ANXA6: variants seen among roughly 807,000 people sequenced by gnomAD.
ANXA6 encodes the protein annexin A6, also known as 67 kDa calelectrin.
In ANXA6, 71 loss-of-function variants were observed where a neutral mutation model predicts 95.4. That is an observed-to-expected ratio of 0.74 (90% confidence interval 0.61 to 0.91). ANXA6 has a LOEUF of 0.91. Among genes scored for constraint, ANXA6 ranks in the 40% least tolerant of loss-of-function variants. The pLI, the probability that ANXA6 is intolerant of heterozygous loss-of-function variation, is 0.00. For missense variants in ANXA6, 830 were observed against 876.4 expected, an observed-to-expected ratio of 0.95 and a Z score of 0.67; for synonymous variants, 289 against 315.9, an observed-to-expected ratio of 0.91 and a Z score of 0.90.
At chr5:151,106,816 T>A (rs1317271730) in intron 23 of ANXA6, among the ~76,000 whole-genome samples, 2 of 152,144 alleles carry the variant, frequency 1.3e-5, no homozygotes, top group African/African-American at 4.8e-5. Context: ...CCCACAAGTC[T>A]TCCTAAAAAC....
intron 15 of ANXA6, 77 bp from the exon 16 acceptor site, chr5:151,123,088 C>A (rs921478992): frequency 4.0e-6 from 5 of 1,242,714 alleles, no homozygotes; most frequent in South Asian, 1.2e-5. Context: ...CACTGATGGC[C>A]CCTCATCGAT....
chr5:151,148,063 A>C, intron 1 of ANXA6, 137 bp from the exon 2 acceptor site: 7 of 767,424 alleles, frequency 9.1e-6, no homozygotes, highest in Non-Finnish European at 1.5e-5. Context: ...GACCCAGCTC[A>C]AGGCCAATCA....
rs373769818 is a variant in ANXA6 at position 151,105,367 on chromosome 5, C to T, written c.1781-64G>A. 4.0e-5 allele frequency: 58 copies of T among 1,465,122 alleles called. No homozygotes were observed. In the South Asian group the frequency reaches 4.0e-4, roughly 10 times the overall value. The allele number at this position is 1,465,122 out of a possible 1,614,324, so 90.8% of individuals were successfully genotyped here. ...GAGGCTGTGAACCCAGACTCTGGAC[C>T]GGCCTCCCCCATCTCCCCACCTCGT... is the stretch of plus-strand genomic sequence containing the variant. On this transcript the variant is annotated intron_variant, in intron 23 of 25. Coordinates refer to ENST00000354546, the MANE Select transcript of ANXA6 (RefSeq NM_001155.5).
rs1390670754 is a variant in ANXA6, at chr5:151,122,333, AAAGAG to A, written c.1234-78_1234-74del. The A allele has an allele frequency of 5.9e-6, 5 of 846,978 alleles. No homozygotes were observed. In the African/African-American group the frequency reaches 8.8e-5, roughly 15 times the overall value. The allele number at this position is 846,978 out of a possible 1,614,324, so 52.5% of individuals were successfully genotyped here. A position where few individuals can be genotyped will look rare whatever the true frequency, so the allele number is the denominator to read the frequency against. ...ACATGACTCAGGATGGGAGAGATGG[AAAGAG>A]AAAACAGGGGTTCCACATGAGGGAT... On this transcript the variant is annotated intron_variant, in intron 16 of 25. Coordinates refer to ENST00000354546, the MANE Select transcript of ANXA6 (RefSeq NM_001155.5).
chr5:151,136,107 G>A, intron 7 of ANXA6, 149 bp downstream of exon 7: 2 of 666,196 alleles, frequency 3.0e-6, no homozygotes, highest in Non-Finnish European at 5.1e-6. Context: ...AGAGGACTGT[G>A]TGCCAAAGAG....
At position 151,109,798 on chromosome 5, in the gene ANXA6, A is replaced by C. The variant is rs757739987; in HGVS notation, c.1639T>G (p.Phe547Val). Residue 547 changes from phenylalanine to valine, a missense_variant, in exon 22 of 26, where the codon TTC becomes GTC. Phe to Val is a conservative substitution (Grantham distance 50). Transcript: ENST00000354546. ...SGDKTSLETR[F>V]MTILCTRSYP... ...CTCCGGGTACACAGGATCGTCATGA[A>C]ACGTGTCTCCAAGGAAGTTTTGTCT... is the stretch of plus-strand genomic sequence containing the variant. 1.4e-5 allele frequency: 23 copies of C among 1,611,662 alleles called. No homozygotes were observed. In the Admixed American group the frequency reaches 2.3e-4, roughly 16 times the overall value.
At chr5:151,137,997 T>C (rs1765716468) in intron 5 of ANXA6, among the ~76,000 whole-genome samples, 1 of 152,212 alleles carries the variant, frequency 6.6e-6, no homozygotes, top group Non-Finnish European at 1.5e-5. Flanking sequence ...GTAGATGATA[T>C]TAGTTGCTCT....
chr5:151,141,376 G>A (rs1413170949), intron 2 of ANXA6, among the ~76,000 whole-genome samples: 1 of 152,244 alleles, frequency 6.6e-6, no homozygotes, highest in Admixed American at 6.5e-5. Flanking sequence ...CCCAGTGGCA[G>A]AGACAGACAA....
intron 23 of ANXA6, among the ~76,000 whole-genome samples, chr5:151,106,165 C>A (rs1191144480): frequency 6.6e-6 from 1 of 152,174 alleles, no homozygotes; most frequent in Non-Finnish European, 1.5e-5. Flanking sequence ...CCTACCCTGG[C>A]TGCAGATAAT....
intron 10 of ANXA6, 51 bp from the exon 11 acceptor site, chr5:151,131,340 G>C (rs1765507413): frequency 5.7e-6 from 9 of 1,582,170 alleles, no homozygotes; most frequent in Admixed American, 1.7e-5. Flanking sequence ...TCAGAAGGGG[G>C]ATGGGATGGC....
intron 5 of ANXA6, among the ~76,000 whole-genome samples, chr5:151,138,088 T>G (rs1765719198): frequency 2.0e-5 from 3 of 152,210 alleles, no homozygotes; most frequent in South Asian, 2.1e-4. Context: ...TCATGCTTAA[T>G]AGCTCATAGA....
chr5:151,102,040 A>C (rs1006752852), intron 25 of ANXA6, among the ~76,000 whole-genome samples: 5 of 152,192 alleles, frequency 3.3e-5, no homozygotes, highest in African/African-American at 1.2e-4. Flanking sequence ...GCTAACTGCC[A>C]AGCCATTGCT....
chr5:151,100,912 G>A lies in ANXA6; in HGVS notation c.*536C>T. 2.2e-6 allele frequency: 1 copy of A among 456,428 alleles called. No homozygotes were observed. The highest frequency in any genetic ancestry group is 4.4e-6 in the Non-Finnish European group (1 of 227,090). The allele number at this position is 456,428 out of a possible 1,614,324, so 28.3% of individuals were successfully genotyped here. A position where few individuals can be genotyped will look rare whatever the true frequency, so the allele number is the denominator to read the frequency against. The stretch of plus-strand genomic sequence containing the variant: ...GGTCAGAAACAAGTGCATGGCAGAT[G>A]CAGATTTGAACCCAGGCATCCAAAT... On this transcript the variant is annotated 3_prime_UTR_variant, in exon 26 of 26. Transcript: ENST00000354546.
rs140659157 is a variant in ANXA6 at position 151,107,361 on chromosome 5, C to A, written c.1780+1094G>T. Among the ~76,000 whole-genome samples the A allele has an allele frequency of 4.4e-3, 677 of 152,358 alleles. 4 individuals carry two copies. Among genetic ancestry groups the A allele is most frequent in the Non-Finnish European group, 7.9e-3 (536 of 68,038 alleles). ...AAATTGAGACACAGAGGTTTTGTGA[C>A]CTGCCCAAGGACATATAGTGAGTAA... On this transcript the variant is annotated intron_variant, in intron 23 of 25. Coordinates refer to ENST00000354546, the MANE Select transcript of ANXA6 (RefSeq NM_001155.5).
At chr5:151,137,392 G>T in intron 5 of ANXA6, 71 bp from the exon 6 acceptor site, 1 of 1,302,456 alleles carries the variant, frequency 7.7e-7, no homozygotes, top group Non-Finnish European at 1.1e-6. Context: ...TTGGGATCAG[G>T]GAGTGGCCAG....
intron 2 of ANXA6, among the ~76,000 whole-genome samples, chr5:151,145,733 G>A (rs908120741): frequency 6.6e-6 from 1 of 152,108 alleles, no homozygotes; most frequent in African/African-American, 2.4e-5. Flanking sequence ...TCAACGGCAG[G>A]GAGGCTTTTT....
At chr5:151,134,568 G>T in intron 7 of ANXA6, 85 bp from the exon 8 acceptor site, 2 of 1,426,950 alleles carry the variant, frequency 1.4e-6, no homozygotes, top group Non-Finnish European at 2.0e-6. Context: ...GACAGGGAAA[G>T]CAGGAAAACC....
At chr5:151,134,724 A>G (rs1007214230) in intron 7 of ANXA6, among the ~76,000 whole-genome samples, 1 of 152,038 alleles carries the variant, frequency 6.6e-6, no homozygotes, top group Non-Finnish European at 1.5e-5. Flanking sequence ...TCCCAAGAAC[A>G]ACCAAGGTTC....
intron 2 of ANXA6, 121 bp downstream of exon 2, chr5:151,147,763 C>A: frequency 8.9e-7 from 1 of 1,117,946 alleles, no homozygotes; most frequent in East Asian, 2.6e-5. Context: ...AGCCTAAGAA[C>A]CTTTCCTCCT....
Sources: gnomAD v4.1 joint callset for allele counts (sites outside exome capture counted in the v4.1 genomes callset) on GRCh38, gnomAD v4.1.1 for gene constraint, MANE v1.5 for transcripts, NCBI Gene and HGNC (gene_info 2026-07-23, HGNC 2026-07-21) for gene names.